The following ESRRG variants were observed in gnomAD, a reference collection of about 807,000 sequenced individuals.
The protein encoded by ESRRG is estrogen related receptor gamma, also known as estrogen-related receptor gamma.
In ESRRG, 13 loss-of-function variants were observed where a neutral mutation model predicts 44.0. The ratio of observed to expected loss-of-function variants is 0.30; its 90% CI spans 0.19 to 0.47. ESRRG has a LOEUF of 0.47. Among genes scored for constraint, ESRRG ranks in the 20% least tolerant of loss-of-function variants. ESRRG has a pLI of 1.00. For synonymous variants in ESRRG, 215 were observed against 214.6 expected, an observed-to-expected ratio of 1.00 and a Z score of -0.02; for missense variants, 395 against 580.6, an observed-to-expected ratio of 0.68 and a Z score of 3.29.
At chr1:217,003,579 A>ATTAATTAATATTAATT (rs72187021) in intron 1 of ESRRG, among the ~76,000 whole-genome samples, 28,104 of 147,546 alleles carry the variant, frequency 0.19, 2,991 homozygotes, top group East Asian at 0.45. Context: ...ACTAATTAAT[A>ATTAATTAATATTAATT]AGTATTAATA....
chr1:216,653,086 C>T (rs903195400), intron 2 of ESRRG, among the ~76,000 whole-genome samples: 2 of 152,188 alleles, frequency 1.3e-5, no homozygotes, highest in Non-Finnish European at 2.9e-5. Context: ...GCTAGTCCTA[C>T]GCACCTTTAA....
intron 2 of ESRRG, among the ~76,000 whole-genome samples, chr1:216,875,576 C>A (rs2096337034): frequency 6.6e-6 from 1 of 152,086 alleles, no homozygotes; most frequent in South Asian, 2.1e-4. Context: ...TTGCATATAG[C>A]ACAGTGGTTG....
rs1432389854 is a variant in ESRRG, at chr1:216,991,995, C to G, written c.-105-52322G>C. ...TTTTTCATCCCTAACCTTTACCAGACAGTGTGTGATACGCTGCTTTCAGAG... is the reference window on the plus strand; with the variant it reads ...TTTTTCATCCCTAACCTTTACCAGAGAGTGTGTGATACGCTGCTTTCAGAG... On this transcript the variant is annotated intron_variant, in intron 1 of 7. Coordinates refer to the ESRRG transcript ENST00000359162. Among the ~76,000 whole-genome samples, 3 of 152,156 alleles carry G rather than the reference C, an allele frequency of 2.0e-5. No homozygotes were observed. The South Asian group carries it at 6.2e-4, about 31-fold the overall frequency.
intron 1 of ESRRG, among the ~76,000 whole-genome samples, chr1:217,051,690 A>G (rs1307244994): frequency 2.0e-5 from 3 of 152,176 alleles, no homozygotes; most frequent in East Asian, 3.9e-4. Context: ...TGGCCTGACC[A>G]TGCTTTTAAA....
intron 1 of ESRRG, among the ~76,000 whole-genome samples, chr1:217,123,346 A>C (rs2092847160): frequency 6.6e-6 from 1 of 152,054 alleles, no homozygotes; most frequent in Non-Finnish European, 1.5e-5. Flanking sequence ...ATAGGCCTTC[A>C]ATTTTCCCAT....
At chr1:216,716,775 A>G (rs2084972081) in intron 1 of ESRRG, among the ~76,000 whole-genome samples, 1 of 151,932 alleles carries the variant, frequency 6.6e-6, no homozygotes, top group African/African-American at 2.4e-5. Context: ...AAATTTTTTA[A>G]ATGCCAAAAC....
chr1:216,732,875 G>A (rs1451872060), intron 2 of ESRRG, among the ~76,000 whole-genome samples: 1 of 150,206 alleles, frequency 6.7e-6, no homozygotes, highest in African/African-American at 2.4e-5. Context: ...GGACTCTTGT[G>A]GTCTCAATAA....
At chr1:216,737,134 T>C (rs1357189100) in intron 2 of ESRRG, among the ~76,000 whole-genome samples, 1 of 152,196 alleles carries the variant, frequency 6.6e-6, no homozygotes, top group East Asian at 1.9e-4. Context: ...TCCTTGGACT[T>C]TTAAAAACTC....
chr1:216,508,584 G>T (rs1252965111), intron 6 of ESRRG, among the ~76,000 whole-genome samples: 1 of 152,194 alleles, frequency 6.6e-6, no homozygotes, highest in East Asian at 1.9e-4. Context: ...CCTGTGGATT[G>T]TTTCTACCCA....
At chr1:216,702,691 C>T (rs370005212) in intron 1 of ESRRG, among the ~76,000 whole-genome samples, 4 of 149,760 alleles carry the variant, frequency 2.7e-5, no homozygotes, top group East Asian at 2.0e-4. Flanking sequence ...GCAGCAGAAT[C>T]GCTTGAACCC....
chr1:216,929,096 T>C (rs1479392468), intron 2 of ESRRG, among the ~76,000 whole-genome samples: 1 of 152,124 alleles, frequency 6.6e-6, no homozygotes, highest in Non-Finnish European at 1.5e-5. Flanking sequence ...CTAAAGTAGT[T>C]AATTTTCTCA....
intron 5 of ESRRG, among the ~76,000 whole-genome samples, chr1:216,542,833 G>A (rs1306106712): frequency 6.6e-6 from 1 of 151,962 alleles, no homozygotes; most frequent in Admixed American, 6.6e-5. Flanking sequence ...TCTCATGCAT[G>A]AATAATCCCA....
At chr1:216,960,167 T>C (rs1028478557) in intron 1 of ESRRG, among the ~76,000 whole-genome samples, 1 of 152,232 alleles carries the variant, frequency 6.6e-6, no homozygotes, top group Non-Finnish European at 1.5e-5. Context: ...CCAATGCTTT[T>C]ATAACATTAT....
At chr1:216,613,535 G>A (rs774984328) in intron 3 of ESRRG, among the ~76,000 whole-genome samples, 8 of 152,216 alleles carry the variant, frequency 5.3e-5, no homozygotes, top group African/African-American at 9.6e-5. Flanking sequence ...AAATCTTTAC[G>A]TATGAGACCA....
chr1:216,987,260 T>C (rs892126620), intron 1 of ESRRG, among the ~76,000 whole-genome samples: 1 of 152,244 alleles, frequency 6.6e-6, no homozygotes, highest in Non-Finnish European at 1.5e-5. Context: ...TTCTCTAACA[T>C]AGCTGTGCTT....
intron 2 of ESRRG, among the ~76,000 whole-genome samples, chr1:216,820,928 C>T (rs1304024931): frequency 6.6e-6 from 1 of 152,182 alleles, no homozygotes; most frequent in Non-Finnish European, 1.5e-5. Context: ...TATGGTTGCA[C>T]GAACTTTGCT....
At chr1:216,893,763 G>A (rs2058091924) in intron 2 of ESRRG, among the ~76,000 whole-genome samples, 1 of 152,086 alleles carries the variant, frequency 6.6e-6, no homozygotes, top group African/African-American at 2.4e-5. Flanking sequence ...GAAAAACAAT[G>A]TTGGCAAGGA....
At chr1:216,797,679 G>A (rs2094510056) in intron 2 of ESRRG, among the ~76,000 whole-genome samples, 1 of 152,052 alleles carries the variant, frequency 6.6e-6, no homozygotes, top group Admixed American at 6.6e-5. Context: ...AGGGGTTGTG[G>A]GTTTTTTGGG....
intron 3 of ESRRG, among the ~76,000 whole-genome samples, chr1:216,583,307 C>T (rs1247346844): frequency 6.6e-6 from 1 of 152,206 alleles, no homozygotes; most frequent in Non-Finnish European, 1.5e-5. Flanking sequence ...TATGTGTACA[C>T]CTACTGAAGT....
Sources: gnomAD v4.1 joint callset for allele counts (sites outside exome capture counted in the v4.1 genomes callset) on GRCh38, gnomAD v4.1.1 for gene constraint, MANE v1.5 for transcripts, NCBI Gene and HGNC (gene_info 2026-07-23, HGNC 2026-07-21) for gene names.